The following FAM185A variants were observed in gnomAD, a reference collection of about 807,000 sequenced individuals.
FAM185A encodes the protein protein FAM185A.
In FAM185A, 21 loss-of-function variants were observed where a neutral mutation model predicts 45.7. That is an observed-to-expected ratio of 0.46 (90% confidence interval 0.33 to 0.66). The LOEUF (loss-of-function observed/expected upper bound fraction) is 0.66. Ranked by LOEUF, FAM185A falls within the 30% of genes least tolerant of loss-of-function variation. FAM185A has a pLI of 0.03. For missense variants in FAM185A, 305 were observed against 485.4 expected (o/e 0.63, Z 3.49); for synonymous variants, 117 against 194.0 (o/e 0.60, Z 3.30).
At chr7:102,772,621 C>A (rs2539287) in intron 5 of FAM185A, among the ~76,000 whole-genome samples, 171 bp downstream of exon 5, 1 of 151,232 alleles carries the variant, frequency 6.6e-6, no homozygotes, top group Admixed American at 6.6e-5. Flanking sequence ...CGAAGAAAAT[C>A]GCCTGAGCTG....
chr7:102,786,421 A>G (rs1248787168), intron 6 of FAM185A, among the ~76,000 whole-genome samples: 1 of 152,244 alleles, frequency 6.6e-6, no homozygotes, highest in African/African-American at 2.4e-5. Context: ...AAAGACTTGG[A>G]ACCAACCCAA....
chr7:102,827,580 G>A, the FAM185A span, among the ~76,000 whole-genome samples: 2 of 151,570 alleles, frequency 1.3e-5, no homozygotes, highest in Non-Finnish European at 2.9e-5. Flanking sequence ...CAATGTGCAT[G>A]TTTGTTACAT....
the FAM185A span, among the ~76,000 whole-genome samples, chr7:102,826,724 CATATATATATATATATAT>C: frequency 3.3e-3 from 204 of 62,724 alleles, 1 homozygote; most frequent in Non-Finnish European, 5.6e-3. Context: ...GACCCTGTCT[CATATATATATATATATAT>C]ATATATATAT....
At chr7:102,823,607 T>C in the FAM185A span, among the ~76,000 whole-genome samples, 653 of 152,358 alleles carry the variant, frequency 4.3e-3, 6 homozygotes, top group African/African-American at 0.015. Flanking sequence ...AGCTTTCAAA[T>C]TTATAGCTAA....
chr7:102,787,431 T>C lies in FAM185A; in HGVS notation c.1028T>C (p.Met343Thr). The change falls in exon 7 of 8, where the codon ATG becomes ACG. Residue 343 changes from methionine (M) to threonine (T), a missense_variant. Physicochemically the swap from Met to Thr is moderately conservative, Grantham distance 81. Transcript: ENST00000413034. The part of the protein sequence containing the change: ...DVNSEVHVQE[M>T]AEVRKDDVVT... ...AACTCAGAAGTCCATGTTCAGGAAA[T>C]GGCTGAAGTTCGTAAAGATGATGTT... The C allele has an allele frequency of 8.5e-6, 13 of 1,535,148 alleles. No individual in the cohort carries two copies. The highest frequency in any genetic ancestry group is 1.1e-5 in the Non-Finnish European group (13 of 1,135,068).
chr7:102,784,349 C>CAT (rs1795630974), intron 6 of FAM185A, among the ~76,000 whole-genome samples: 2 of 151,828 alleles, frequency 1.3e-5, no homozygotes, highest in African/African-American at 4.8e-5. Context: ...CCAGCATCAT[C>CAT]CTGATACCAA....
downstream of FAM185A, among the ~76,000 whole-genome samples, chr7:102,812,114 T>C (rs566291981): frequency 5.3e-5 from 8 of 152,160 alleles, no homozygotes; most frequent in Non-Finnish European, 8.8e-5. Flanking sequence ...AAGGCTGATC[T>C]GATATTGCTG....
chr7:102,834,095 AAAGAAAGAAAGAAAGAAAG>A, the FAM185A span, among the ~76,000 whole-genome samples: 2 of 95,586 alleles, frequency 2.1e-5, no homozygotes, highest in Non-Finnish European at 4.2e-5. Flanking sequence ...GAAAAGAAAG[AAAGAAAGAAAGAAAGAAAG>A]AAAGAAAGAA....
At chr7:102,765,322 T>G (rs188734042) in intron 4 of FAM185A, among the ~76,000 whole-genome samples, 1 of 152,122 alleles carries the variant, frequency 6.6e-6, no homozygotes, top group Non-Finnish European at 1.5e-5. Context: ...TGACTGAAAA[T>G]GTAGATGTTC....
the FAM185A span, among the ~76,000 whole-genome samples, chr7:102,830,766 T>G: frequency 1.3e-5 from 2 of 152,110 alleles, no homozygotes; most frequent in Non-Finnish European, 2.9e-5. Flanking sequence ...AAGCCTTCAG[T>G]GTGTACAATA....
At chr7:102,756,521 A>G (rs1313673573) in intron 2 of FAM185A, among the ~76,000 whole-genome samples, 1 of 151,708 alleles carries the variant, frequency 6.6e-6, no homozygotes, top group Non-Finnish European at 1.5e-5. Context: ...GCCTGGCGTG[A>G]TGGCATACGC....
the FAM185A span, among the ~76,000 whole-genome samples, chr7:102,849,758 A>C: frequency 1.3e-5 from 2 of 152,204 alleles, no homozygotes; most frequent in East Asian, 3.8e-4. Flanking sequence ...AAAGATTACC[A>C]CATGCCCAGA....
At chr7:102,825,893 C>T in the FAM185A span, among the ~76,000 whole-genome samples, 112 of 152,274 alleles carry the variant, frequency 7.4e-4, no homozygotes, top group African/African-American at 2.3e-3. Flanking sequence ...TTAAATTCTC[C>T]GAGCCTCAGT....
intron 7 of FAM185A, among the ~76,000 whole-genome samples, chr7:102,801,953 A>G (rs1000832637): frequency 6.6e-6 from 1 of 152,042 alleles, no homozygotes; most frequent in Admixed American, 6.6e-5. Flanking sequence ...GAAGGACATT[A>G]TATAATGCTA....
chr7:102,834,344 A>G, the FAM185A span, among the ~76,000 whole-genome samples: 1 of 147,816 alleles, frequency 6.8e-6, no homozygotes, highest in Non-Finnish European at 1.5e-5. Context: ...AGTAACCCTA[A>G]TGGGTTACTA....
chr7:102,771,552 T>G (rs1312403849), intron 4 of FAM185A, among the ~76,000 whole-genome samples: 2 of 152,032 alleles, frequency 1.3e-5, no homozygotes, highest in African/African-American at 4.8e-5. Flanking sequence ...TCCCAGATAC[T>G]GATACAAGTC....
At chr7:102,799,122 T>G (rs966493375) in intron 7 of FAM185A, among the ~76,000 whole-genome samples, 20 of 152,116 alleles carry the variant, frequency 1.3e-4, no homozygotes, top group Non-Finnish European at 1.5e-4. Context: ...TACCGCAAAA[T>G]CACGACCTAC....
the FAM185A span, among the ~76,000 whole-genome samples, chr7:102,816,607 A>T: frequency 6.6e-6 from 1 of 152,174 alleles, no homozygotes; most frequent in African/African-American, 2.4e-5. Context: ...GTGTTTGCAC[A>T]CACGCACCTT....
At chr7:102,778,830 T>C (rs1027454603) in intron 6 of FAM185A, among the ~76,000 whole-genome samples, 18 of 152,336 alleles carry the variant, frequency 1.2e-4, no homozygotes, top group Non-Finnish European at 2.4e-4. Flanking sequence ...TAATGGAAAG[T>C]TATTCAGTAA....
Sources: gnomAD v4.1 joint callset for allele counts (sites outside exome capture counted in the v4.1 genomes callset) on GRCh38, gnomAD v4.1.1 for gene constraint, MANE v1.5 for transcripts, NCBI Gene and HGNC (gene_info 2026-07-23, HGNC 2026-07-21) for gene names.